Variants in ELAPOR1 observed in about 807,000 individuals in gnomAD.
ELAPOR1 encodes the protein endosome/lysosome-associated apoptosis and autophagy regulator 1.
In ELAPOR1, 77 loss-of-function variants were observed where a neutral mutation model predicts 119.7. The ratio of observed to expected loss-of-function variants is 0.64; its 90% confidence interval spans 0.54 to 0.78. The LOEUF (loss-of-function observed/expected upper bound fraction) is 0.78, where lower values mean the gene tolerates loss of function less well. Among genes scored for constraint, ELAPOR1 ranks in the 30% least tolerant of loss-of-function variants. ELAPOR1 has a pLI of 0.00. For missense variants in ELAPOR1, 1,115 were observed against 1,270.4 expected, an observed-to-expected ratio of 0.88 and a Z score of 1.86; for synonymous variants, 481 against 487.2, an observed-to-expected ratio of 0.99 and a Z score of 0.17.
intron 7 of ELAPOR1, among the ~76,000 whole-genome samples, chr1:109,178,437 A>T (rs756283838): frequency 4.9e-4 from 75 of 152,198 alleles, no homozygotes; most frequent in Non-Finnish European, 9.6e-4. Flanking sequence ...AGACTGGGAA[A>T]TTGCAGGGAG....
intron 1 of ELAPOR1, among the ~76,000 whole-genome samples, chr1:109,149,512 G>T (rs956827656): frequency 1.3e-5 from 2 of 152,076 alleles, no homozygotes; most frequent in Non-Finnish European, 2.9e-5. Flanking sequence ...TAAAAGCAGG[G>T]TCTAGACCTT....
At chr1:109,177,263 G>A (rs1652376207) in intron 7 of ELAPOR1, among the ~76,000 whole-genome samples, 2 of 148,440 alleles carry the variant, frequency 1.3e-5, no homozygotes, top group African/African-American at 2.5e-5. Context: ...TCCCGGACGG[G>A]GCGGCTGCCG....
chr1:109,143,894 C>T (rs1649989108), intron 1 of ELAPOR1, among the ~76,000 whole-genome samples: 1 of 150,958 alleles, frequency 6.6e-6, no homozygotes, highest in African/African-American at 2.4e-5. Flanking sequence ...CTCCTGGGCT[C>T]CAGCAATCCA....
At position 109,167,765 on chromosome 1, in the gene ELAPOR1, A is replaced by G. The variant is rs911199493; in HGVS notation, c.467+3074A>G. On this transcript the variant is annotated intron_variant, in intron 3 of 21. Transcript: ENST00000369939. Reference sequence around the variant, plus strand: ...GCTGGGACTGCAGGCTCATGCCACCACACCTGGCTAACTTCTTATTTTTCT... The same window carrying G: ...GCTGGGACTGCAGGCTCATGCCACCGCACCTGGCTAACTTCTTATTTTTCT... 6.0e-4 allele frequency among the ~76,000 whole-genome samples: 91 copies of G among 152,094 alleles called. 1 individual carries two copies. Among genetic ancestry groups the G allele is most frequent in the African/African-American group, 2.1e-3 (88 of 41,482 alleles).
At chr1:109,120,094 C>T (rs1420062093) in intron 1 of ELAPOR1, among the ~76,000 whole-genome samples, 1 of 151,872 alleles carries the variant, frequency 6.6e-6, no homozygotes, top group Non-Finnish European at 1.5e-5. Context: ...GGGATTAGTG[C>T]ACTTATAAAA....
intron 1 of ELAPOR1, among the ~76,000 whole-genome samples, chr1:109,160,533 G>A (rs1335735371): frequency 6.6e-6 from 1 of 152,188 alleles, no homozygotes; most frequent in East Asian, 1.9e-4. Context: ...ATGAAATGCA[G>A]TGTGTTTACC....
chr1:109,144,279 C>G lies in ELAPOR1; in HGVS notation c.154-17615C>G, dbSNP rs1039052268. 1.3e-3 allele frequency among the ~76,000 whole-genome samples: 202 copies of G among 150,678 alleles called. 1 individual carries two copies. Among genetic ancestry groups the G allele is most frequent in the African/African-American group, 4.6e-3 (190 of 41,068 alleles). ...GTTTGCCAGGCTGGTCTCGAACTCC[C>G]AACCTCAGGTGATCTGCCCAACTTG... On this transcript the variant is annotated intron_variant, in intron 1 of 21. Transcript: ENST00000369939.
chr1:109,151,344 G>A (rs1650519593), intron 1 of ELAPOR1, among the ~76,000 whole-genome samples: 1 of 151,974 alleles, frequency 6.6e-6, no homozygotes, highest in Non-Finnish European at 1.5e-5. Flanking sequence ...GGAGGGAGGA[G>A]CCCAGCTGCC....
chr1:109,171,287 C>T (rs1428951432), intron 3 of ELAPOR1, among the ~76,000 whole-genome samples: 1 of 152,154 alleles, frequency 6.6e-6, no homozygotes, highest in Non-Finnish European at 1.5e-5. Flanking sequence ...GTGGCTCATG[C>T]CTGTAATCCC....
Position 109,144,061 on chromosome 1 carries a change from A to ATATATTTT in ELAPOR1, c.154-17832_154-17831insATATTTTT. 2.0e-3 allele frequency among the ~76,000 whole-genome samples: 175 copies of ATATATTTT among 88,980 alleles called. 8 individuals carry two copies. Among genetic ancestry groups the ATATATTTT allele is most frequent in the Non-Finnish European group, 2.7e-3 (129 of 47,398 alleles). 58.4% of individuals were successfully genotyped at this position (88,980 alleles called of 152,430 possible). ...TATATATATATATATATATTTATAT[A>ATATATTTT]TTTTTTTTTTTTTTTGAGATGGAGT... On this transcript the variant is annotated intron_variant, in intron 1 of 21. Coordinates refer to ENST00000369939, the MANE Select transcript of ELAPOR1 (RefSeq NM_020775.5).
chr1:109,135,931 T>C (rs1483519775), intron 1 of ELAPOR1, among the ~76,000 whole-genome samples: 3 of 152,194 alleles, frequency 2.0e-5, no homozygotes, highest in African/African-American at 7.2e-5. Flanking sequence ...CCAAGGACCA[T>C]GAGGGATGCC....
At chr1:109,201,422 G>A (rs1654169118) in intron 21 of ELAPOR1, 1 of 453,738 alleles carries the variant, frequency 2.2e-6, no homozygotes, top group Admixed American at 2.4e-5. Context: ...GGGTGGGTGA[G>A]TATGAAGCTT....
chr1:109,141,960 C>T (rs941177886), intron 1 of ELAPOR1, among the ~76,000 whole-genome samples: 13 of 152,042 alleles, frequency 8.6e-5, no homozygotes, highest in Admixed American at 4.6e-4. Flanking sequence ...CCACTGTGCC[C>T]GGCCTATTTT....
chr1:109,202,904 C>T, intron 21 of ELAPOR1, 40 bp from the exon 22 acceptor site: 1 of 1,611,136 alleles, frequency 6.2e-7, no homozygotes, highest in Non-Finnish European at 8.5e-7. Context: ...CAAACTTGCC[C>T]CTGTGCAGCA....
chr1:109,177,276 C>T (rs1279727836), intron 7 of ELAPOR1, among the ~76,000 whole-genome samples: 3 of 147,330 alleles, frequency 2.0e-5, no homozygotes, highest in Middle Eastern at 3.5e-3. Flanking sequence ...GGCTGCCGGG[C>T]AGAGACGCTC....
chr1:109,120,519 AT>A (rs1428211597), intron 1 of ELAPOR1, among the ~76,000 whole-genome samples: 1 of 152,190 alleles, frequency 6.6e-6, no homozygotes, highest in African/African-American at 2.4e-5. Flanking sequence ...CGGACGCCTA[AT>A]CTGCTGGTGC....
chr1:109,114,458 G>A, intron 1 of ELAPOR1, 122 bp downstream of exon 1: 5 of 1,199,672 alleles, frequency 4.2e-6, no homozygotes, highest in Non-Finnish European at 5.7e-6. Flanking sequence ...CTTTGGGGAT[G>A]AGGCGTGGGG....
chr1:109,161,555 A>G (rs1651260867), intron 1 of ELAPOR1: 1 of 171,720 alleles, frequency 5.8e-6, no homozygotes, highest in Non-Finnish European at 1.2e-5. Context: ...TAAATTCTAC[A>G]CTTTGGAATA....
At position 109,188,333 on chromosome 1, in the gene ELAPOR1, G is replaced by A. The variant is rs749341388; in HGVS notation, c.1198G>A (p.Gly400Ser). 6.2e-7 allele frequency: 1 copy of A among 1,613,674 alleles called. No individual in the cohort carries two copies. Among genetic ancestry groups the A allele is most frequent in the South Asian group, 1.1e-5 (1 of 91,048 alleles). ...CAGCACCTGCCAGCCCTGCCCATAT[G>A]GTTCCTACTCCAATGGCTCAGGTAA... ...NNSTCQPCPY[G>S]SYSNGSDCTR... The change falls in exon 9 of 22, where the codon GGT becomes AGT. Residue 400 changes from glycine to serine, a missense_variant. Gly to Ser is a moderately conservative substitution (Grantham distance 56, BLOSUM62 0). Coordinates refer to ENST00000369939, the MANE Select transcript of ELAPOR1 (RefSeq NM_020775.5).
Sources: allele counts gnomAD v4.1 joint callset (sites outside exome capture counted in the v4.1 genomes callset), GRCh38; gene constraint gnomAD v4.1.1; transcripts MANE v1.5; gene names NCBI Gene and HGNC (gene_info 2026-07-23, HGNC 2026-07-21).